OAS2: variants seen among roughly 807,000 people sequenced by gnomAD.
The protein encoded by OAS2 is 2'-5'-oligoadenylate synthetase 2.
Under a neutral mutation model 71.3 loss-of-function variants are expected in OAS2, and 67 were observed. The observed-to-expected ratio is 0.94, with a 90% CI of 0.77 to 1.15. The LOEUF (loss-of-function observed/expected upper bound fraction) is 1.15. Among genes scored for constraint, OAS2 ranks in the 50% most tolerant of loss-of-function variants. The pLI is 0.00. For missense variants in OAS2, 789 were observed against 822.5 expected (o/e 0.96, Z 0.50); for synonymous variants, 327 against 321.8 (o/e 1.02, Z -0.17).
Position 112,997,534 on chromosome 12 carries a change from C to T in OAS2, c.642C>T (p.Ile214=), listed in dbSNP as rs1206089615. 6.2e-7 allele frequency: 1 copy of T among 1,613,588 alleles called. No homozygotes were observed. The highest frequency in any genetic ancestry group is 8.5e-7 in the Non-Finnish European group (1 of 1,179,708). ...KHWHQQCQKK[I]KDLPSLSPYA... ...TTATCCCACAGTGCCAGAAAAAAAT[C>T]AAGGATTTACCCTCGCTGTCTCCGT... The change falls in exon 4 of 10, where the codon ATC becomes ATT. Residue 214 remains isoleucine, a synonymous_variant. Coordinates refer to ENST00000392583, the MANE Select transcript of OAS2 (RefSeq NM_002535.3).
chr12:112,986,653 C>T (rs12422608), intron 1 of OAS2, among the ~76,000 whole-genome samples: 39,928 of 151,600 alleles, frequency 0.26, 5,476 homozygotes, highest in Admixed American at 0.32. Flanking sequence ...TCTTCAGGTT[C>T]CCTAATGGTG....
In OAS2 at chr12:112,998,327, C is replaced by A; in HGVS notation, c.925C>A (p.Gln309Lys). Residue 309 changes from glutamine to lysine, a missense_variant, in exon 5 of 10, where the codon CAA (glutamine) becomes AAA (lysine). Physicochemically the swap from Gln to Lys is moderately conservative, Grantham distance 53. Coordinates refer to ENST00000392583, the MANE Select transcript of OAS2 (RefSeq NM_002535.3). ...TGTGAGTGGAGATAAAATATGCTGGCAATGGCTGAAAAAAGAAGCTCAAAC... is the reference window on the plus strand; with the variant it reads ...TGTGAGTGGAGATAAAATATGCTGGAAATGGCTGAAAAAAGAAGCTCAAAC... ...NNVSGDKICWQWLKKEAQTWL... is the reference protein window; with the variant it reads ...NNVSGDKICWKWLKKEAQTWL... The A allele has an allele frequency of 2.5e-6, 4 of 1,608,786 alleles. No homozygotes were observed. Among genetic ancestry groups the A allele is most frequent in the Non-Finnish European group, 3.4e-6 (4 of 1,178,748 alleles).
At chr12:112,982,081 T>C (rs1403737380) in intron 1 of OAS2, among the ~76,000 whole-genome samples, 3 of 152,190 alleles carry the variant, frequency 2.0e-5, no homozygotes, top group Non-Finnish European at 2.9e-5. Flanking sequence ...TTTGATTTTG[T>C]ATCCTGCAAC....
chr12:112,983,316 C>G (rs1010685066), intron 1 of OAS2, among the ~76,000 whole-genome samples: 2 of 152,128 alleles, frequency 1.3e-5, no homozygotes, highest in East Asian at 1.9e-4. Context: ...ACCTCTGCCC[C>G]CTGGGTTCAA....
At chr12:113,002,862 A>G (rs773227838) in intron 5 of OAS2, 70 bp from the exon 6 acceptor site, 13 of 1,444,700 alleles carry the variant, frequency 9.0e-6, no homozygotes, top group Non-Finnish European at 1.2e-5. Context: ...GGCCCAGTAC[A>G]GGCAGGAAAA....
At chr12:112,991,465 C>T (rs538968699) in intron 2 of OAS2, among the ~76,000 whole-genome samples, 42 of 152,322 alleles carry the variant, frequency 2.8e-4, no homozygotes, top group African/African-American at 9.1e-4. Context: ...TGCTTTTGTA[C>T]GTTTTAGGGA....
chr12:112,978,758 G>A lies in OAS2; in HGVS notation c.150G>A (p.Gln50=), dbSNP rs56249095. 7.2e-4 allele frequency: 1,163 copies of A among 1,613,890 alleles called. 12 individuals are homozygous for A. The East Asian group carries it at 0.023, about 32-fold the overall frequency. The change falls in exon 1 of 10, where the codon CAG becomes CAA. Residue 50 remains glutamine (Q), a synonymous_variant. Transcript: ENST00000392583. The surrounding 1 kb of genome is among the most constrained non-coding windows in gnomAD (Gnocchi z 4.2). The part of the protein sequence containing the change: ...TICDVLQEPE[Q]FPLVQGVAIG... ...GTGACGTCCTGCAGGAACCCGAACA[G>A]TTCCCCCTGGTGCAGGGAGTGGCCA...
intron 2 of OAS2, among the ~76,000 whole-genome samples, chr12:112,989,468 G>T (rs1225886535): frequency 6.6e-6 from 1 of 152,220 alleles, no homozygotes; most frequent in Non-Finnish European, 1.5e-5. Context: ...GGAAAGGCAG[G>T]ACAACTCAAA....
rs555982469 is a variant in OAS2, at chr12:112,987,819, C to A, written c.448+511C>A. 1.7e-5 allele frequency: 17 copies of A among 988,166 alleles called. No individual in the cohort carries two copies. In the African/African-American group the frequency reaches 2.8e-4, roughly 16 times the overall value. 61.2% of individuals were successfully genotyped at this position (988,166 alleles called of 1,614,324 possible). A position where few individuals can be genotyped will look rare whatever the true frequency, so the allele number is the denominator to read the frequency against. Reference sequence around the variant, plus strand: ...AGGTCAAAATCAAGGCAACGACCTTCCATAGATAACTATCAAAGCTTGAGG... The same window carrying A: ...AGGTCAAAATCAAGGCAACGACCTTACATAGATAACTATCAAAGCTTGAGG... On this transcript the variant is annotated intron_variant, in intron 2 of 9. Coordinates refer to ENST00000392583, the MANE Select transcript of OAS2 (RefSeq NM_002535.3).
intron 2 of OAS2, among the ~76,000 whole-genome samples, chr12:112,992,605 C>T: frequency 6.6e-6 from 1 of 152,108 alleles, no homozygotes; most frequent in Admixed American, 6.6e-5. Flanking sequence ...GAACAATTAG[C>T]CCAGGCATCA....
chr12:113,008,142 A>G (rs556616016), intron 9 of OAS2, among the ~76,000 whole-genome samples, 199 bp downstream of exon 9: 14 of 152,312 alleles, frequency 9.2e-5, no homozygotes, highest in African/African-American at 2.9e-4. Flanking sequence ...AAAATAGAGA[A>G]GGAAGGTTCA....
chr12:113,006,946 C>G (rs964196061), intron 8 of OAS2, among the ~76,000 whole-genome samples: 2 of 152,190 alleles, frequency 1.3e-5, no homozygotes, highest in South Asian at 2.1e-4. Context: ...CGCACATGCT[C>G]TCTCTCAGAA....
At position 112,995,328 on chromosome 12, in the gene OAS2, C is replaced by T. The variant is rs201633734; in HGVS notation, c.481C>T (p.Arg161Ter). The change falls in exon 3 of 10, where the codon CGA becomes TGA. Residue 161 changes from arginine to a stop codon, truncating the protein, a stop_gained. Coordinates refer to ENST00000392583, the MANE Select transcript of OAS2 (RefSeq NM_002535.3). LOFTEE classifies it high-confidence loss of function. ...LNDNPSPWIYRELKRSLDKTN... is the reference protein window; with the variant it reads ...LNDNPSPWIY ...TGATAATCCCAGCCCCTGGATCTATCGAGAGCTCAAAAGATCCTTGGATAA... is the reference window on the plus strand; with the variant it reads ...TGATAATCCCAGCCCCTGGATCTATTGAGAGCTCAAAAGATCCTTGGATAA... 9.9e-6 allele frequency: 16 copies of T among 1,613,770 alleles called. No homozygotes were observed. The highest frequency in any genetic ancestry group is 4.5e-5 in the East Asian group (2 of 44,882).
chr12:113,010,305 C>T lies in OAS2; in HGVS notation c.*1050C>T. 1.3e-6 allele frequency: 2 copies of T among 1,524,654 alleles called. No homozygotes were observed. The highest frequency in any genetic ancestry group is 1.3e-5 in the South Asian group (1 of 76,142). The allele number at this position is 1,524,654 out of a possible 1,614,324, so 94.4% of individuals were successfully genotyped here. ...AGATACAGGTCCCCCCTTTTTTCCCCTAACTCTTTTAAGCAATGATTGTAA... is the reference window on the plus strand; with the variant it reads ...AGATACAGGTCCCCCCTTTTTTCCCTTAACTCTTTTAAGCAATGATTGTAA... On this transcript the variant is annotated 3_prime_UTR_variant, in exon 10 of 10. Transcript: ENST00000392583.
At position 112,997,664 on chromosome 12, in the gene OAS2, C is replaced by G. The variant is rs1480960594; in HGVS notation, c.772C>G (p.Gln258Glu). The change falls in exon 4 of 10, where the codon CAG (glutamine) becomes GAG (glutamate). Residue 258 changes from glutamine (Q) to glutamate (E), a missense_variant. By Grantham distance (29) the Gln-to-Glu change is conservative. Coordinates refer to ENST00000392583, the MANE Select transcript of OAS2 (RefSeq NM_002535.3). The stretch of plus-strand genomic sequence containing the variant: ...AACCGTACTGGAGCTGATCAAATGC[C>G]AGGAGAAGCTGTGTATCTATTGGAT... Reference protein sequence around the residue: ...VRTVLELIKCQEKLCIYWMVN... With the variant: ...VRTVLELIKCEEKLCIYWMVN... 1 of 1,613,968 alleles carries G rather than the reference C, an allele frequency of 6.2e-7. No homozygotes were observed. Among genetic ancestry groups the G allele is most frequent in the Non-Finnish European group, 8.5e-7 (1 of 1,180,006 alleles).
chr12:113,005,921 A>AACC (rs1565997495), intron 7 of OAS2, among the ~76,000 whole-genome samples: 1 of 21,796 alleles, frequency 4.6e-5, no homozygotes, highest in Non-Finnish European at 8.3e-5. Context: ...ACAACAACAA[A>AACC]AAAAAAAAAA....
At position 113,003,054 on chromosome 12, in the gene OAS2, T is replaced by C. The variant is rs546184269; in HGVS notation, c.1131T>C (p.Leu377=). Residue 377 remains leucine (L), a synonymous_variant, in exon 6 of 10, where the codon CTT becomes CTC. Transcript: ENST00000392583. ...CTGTTAACATCATCCGTACATTCCT[T>C]AAAGAAAACTGCTTCCGACAATCAA... ...DSAVNIIRTF[L]KENCFRQSTA... is the part of the protein sequence containing the mutation. 1 of 1,614,142 alleles carries C rather than the reference T, an allele frequency of 6.2e-7. No homozygotes were observed. The highest frequency in any genetic ancestry group is 2.2e-5 in the East Asian group (1 of 44,880).
At chr12:113,006,374 G>T in intron 7 of OAS2, 39 bp from the exon 8 acceptor site, 1 of 1,444,460 alleles carries the variant, frequency 6.9e-7, no homozygotes, top group Non-Finnish European at 9.3e-7. Flanking sequence ...TACTTACTAT[G>T]TGTATTAAAG....
At chr12:112,999,625 G>A (rs1173341123) in intron 5 of OAS2, among the ~76,000 whole-genome samples, 3 of 152,160 alleles carry the variant, frequency 2.0e-5, no homozygotes, top group South Asian at 2.1e-4. Flanking sequence ...GGATCAGGAC[G>A]CTCTGAGCAG....
Sources: gnomAD v4.1 joint callset for allele counts (sites outside exome capture counted in the v4.1 genomes callset) on GRCh38, gnomAD v4.1.1 for gene constraint, Gnocchi (gnomAD v3.1) non-coding constraint, MANE v1.5 for transcripts, NCBI Gene and HGNC (gene_info 2026-07-23, HGNC 2026-07-21) for gene names.